EPHX2: variants seen among roughly 807,000 people sequenced by gnomAD.
The protein encoded by EPHX2 is epoxide hydrolase 2.
Under a neutral mutation model 78.7 loss-of-function variants are expected in EPHX2, and 74 were observed. The ratio of observed to expected loss-of-function variants is 0.94; its 90% CI spans 0.78 to 1.14. The LOEUF is 1.14. Among genes scored for constraint, EPHX2 ranks in the 50% most tolerant of loss-of-function variants. The pLI is 0.00. For synonymous variants in EPHX2, 251 were observed against 255.2 expected, an observed-to-expected ratio of 0.98 and a Z score of 0.16; for missense variants, 715 against 702.5, an observed-to-expected ratio of 1.02 and a Z score of -0.20.
intron 6 of EPHX2, among the ~76,000 whole-genome samples, chr8:27,514,414 T>C (rs1814374701): frequency 6.6e-6 from 1 of 152,220 alleles, no homozygotes; most frequent in African/African-American, 2.4e-5. Context: ...TGACTCTGAT[T>C]GTTCTCCTGC....
chr8:27,520,755 C>T (rs571856027), intron 9 of EPHX2, 128 bp from the exon 10 acceptor site: 7 of 1,077,930 alleles, frequency 6.5e-6, no homozygotes, highest in South Asian at 1.3e-5. Flanking sequence ...AAAACAGTCC[C>T]ATTCTGAGGC....
chr8:27,500,702 A>G (rs570118000), intron 1 of EPHX2, among the ~76,000 whole-genome samples: 1 of 152,316 alleles, frequency 6.6e-6, no homozygotes, highest in East Asian at 1.9e-4. Flanking sequence ...TCCCATGGGC[A>G]GCTTCTCTGT....
At chr8:27,540,047 C>A (rs540561220) in intron 14 of EPHX2, among the ~76,000 whole-genome samples, 27 of 152,194 alleles carry the variant, frequency 1.8e-4, no homozygotes, top group Non-Finnish European at 3.2e-4. Context: ...CAGTGGGATA[C>A]CACAGAGGGT....
chr8:27,511,756 C>G, intron 5 of EPHX2, 80 bp from the exon 6 acceptor site: 1 of 1,454,532 alleles, frequency 6.9e-7, no homozygotes, highest in South Asian at 1.1e-5. Flanking sequence ...CCAAGGCCTC[C>G]CCTGGCACCA....
intron 5 of EPHX2, among the ~76,000 whole-genome samples, chr8:27,509,600 A>T (rs1563345933): frequency 6.6e-6 from 1 of 152,070 alleles, no homozygotes; most frequent in Non-Finnish European, 1.5e-5. Flanking sequence ...CCCCATGTTG[A>T]TCAGGCTGGT....
At chr8:27,525,502 G>T in intron 12 of EPHX2, 29 bp downstream of exon 12, 8 of 1,561,696 alleles carry the variant, frequency 5.1e-6, no homozygotes, top group Non-Finnish European at 7.1e-6. Flanking sequence ...GCAACAATGG[G>T]AGCATTAGTG....
At chr8:27,544,396 A>T in intron 18 of EPHX2, 48 bp from the exon 19 acceptor site, 1 of 1,610,580 alleles carries the variant, frequency 6.2e-7, no homozygotes. Context: ...GTAGGTGCAG[A>T]CAAGTGTGAA....
At chr8:27,536,725 G>A (rs1257379746) in intron 12 of EPHX2, 59 bp from the exon 13 acceptor site, 8 of 1,583,804 alleles carry the variant, frequency 5.1e-6, no homozygotes, top group Non-Finnish European at 6.9e-6. Flanking sequence ...AGATGAAGGA[G>A]GGGTACAGTT....
At chr8:27,540,069 G>A (rs72477590) in intron 14 of EPHX2, among the ~76,000 whole-genome samples, 49 of 152,306 alleles carry the variant, frequency 3.2e-4, no homozygotes, top group African/African-American at 9.1e-4. Flanking sequence ...TGTGCGGCAC[G>A]TGGGAGGTGA....
chr8:27,521,695 G>C (rs999912603), intron 10 of EPHX2, among the ~76,000 whole-genome samples: 2 of 152,376 alleles, frequency 1.3e-5, no homozygotes, highest in Non-Finnish European at 1.5e-5. Context: ...ACAGGGAACA[G>C]GGCATGGCCC....
chr8:27,546,078 C>A (rs1426145028), downstream of EPHX2, among the ~76,000 whole-genome samples: 4 of 150,668 alleles, frequency 2.7e-5, no homozygotes, highest in Non-Finnish European at 5.9e-5. Context: ...AAAAAATGTT[C>A]TCGTCGCGCC....
chr8:27,530,681 C>T (rs1226124450), intron 12 of EPHX2, among the ~76,000 whole-genome samples: 2 of 151,716 alleles, frequency 1.3e-5, no homozygotes, highest in Non-Finnish European at 2.9e-5. Context: ...TTTTCACAGC[C>T]GAATAATATA....
In EPHX2 at chr8:27,502,090, C is replaced by G. The variant is rs145867134; in HGVS notation, c.186+1080C>G. On this transcript the variant is annotated intron_variant, in intron 2 of 18. Transcript: ENST00000521400. The stretch of plus-strand genomic sequence containing the variant: ...CTCAGCGCTGTAGGCAACACATAAC[C>G]CCGCTCTGGATACCATCCCTCCAAG... Among the ~76,000 whole-genome samples, 812 of 152,288 alleles carry G rather than the reference C, an allele frequency of 5.3e-3. 9 individuals are homozygous for G. The highest frequency in any genetic ancestry group is 0.017 in the African/African-American group (708 of 41,560).
At position 27,544,249 on chromosome 8, in the gene EPHX2, G is replaced by A; in HGVS notation, c.1589+5G>A. On this transcript the variant is annotated splice_donor_5th_base_variant and intron_variant, in intron 18 of 18. Transcript: ENST00000521400. ...GCACTGGACACAGATGGACAAGTAA[G>A]GAGGTTGGGGGCTCCTGGGGTCGGG... 1 of 1,614,182 alleles carries A rather than the reference G, an allele frequency of 6.2e-7. No homozygotes were observed. Among genetic ancestry groups the A allele is most frequent in the African/African-American group, 1.3e-5 (1 of 75,036 alleles).
chr8:27,494,291 G>A (rs115256148), intron 1 of EPHX2, among the ~76,000 whole-genome samples: 2 of 152,158 alleles, frequency 1.3e-5, no homozygotes, highest in Admixed American at 6.5e-5. Context: ...TTCGGTATTC[G>A]TGGTCACAAG....
chr8:27,500,355 C>T (rs1045132934), intron 1 of EPHX2, among the ~76,000 whole-genome samples: 1 of 152,150 alleles, frequency 6.6e-6, no homozygotes, highest in Non-Finnish European at 1.5e-5. Flanking sequence ...GCTATGCTTC[C>T]TCTACAGCCT....
rs182828300 is a variant in EPHX2, at chr8:27,492,590, G to T, written c.101+1281G>T. On this transcript the variant is annotated intron_variant, in intron 1 of 18. Coordinates refer to ENST00000521400, the MANE Select transcript of EPHX2 (RefSeq NM_001979.6). ...AGTGAGTGATAGCAAGGTTTATCGTGAACAGCGAAAGCACAAAGCTTCCAC... is the reference window on the plus strand; with the variant it reads ...AGTGAGTGATAGCAAGGTTTATCGTTAACAGCGAAAGCACAAAGCTTCCAC... Among the ~76,000 whole-genome samples, 55 of 152,322 alleles carry T rather than the reference G, an allele frequency of 3.6e-4. No individual in the cohort carries two copies. The East Asian group carries it at 9.6e-3, about 27-fold the overall frequency.
At position 27,506,886 on chromosome 8, in the gene EPHX2, T is replaced by C. The variant is rs370166814; in HGVS notation, c.552T>C (p.Asp184=). The C allele has an allele frequency of 2.5e-6, 4 of 1,613,914 alleles. No individual in the cohort carries two copies. Among genetic ancestry groups the C allele is most frequent in the Non-Finnish European group, 3.4e-6 (4 of 1,179,930 alleles). The change falls in exon 5 of 19, where the codon GAT becomes GAC. Residue 184 remains aspartate, a synonymous_variant. Transcript: ENST00000521400. ...TTTGGGCTCAGGTCGTTTTTTTGGA[T>C]GACATCGGGGCTAATCTGAAGCCAG... is the stretch of plus-strand genomic sequence containing the variant. ...KASPSEVVFL[D]DIGANLKPAR... is the part of the protein sequence containing the mutation.
chr8:27,528,279 C>A (rs534134892), intron 12 of EPHX2, among the ~76,000 whole-genome samples: 3 of 152,202 alleles, frequency 2.0e-5, no homozygotes, highest in African/African-American at 7.2e-5. Flanking sequence ...AAGAACAAAG[C>A]GCCTTGGCAG....
Sources: gnomAD v4.1 joint callset for allele counts (sites outside exome capture counted in the v4.1 genomes callset) on GRCh38, gnomAD v4.1.1 for gene constraint, MANE v1.5 for transcripts, NCBI Gene and HGNC (gene_info 2026-07-23, HGNC 2026-07-21) for gene names.